Variants in MAP3K3 observed in about 807,000 individuals in gnomAD.
The protein encoded by MAP3K3 is MAP/ERK kinase kinase 3.
In MAP3K3, 12 loss-of-function variants were observed where a neutral mutation model predicts 80.9. That is an observed-to-expected ratio of 0.15 (90% confidence interval 0.10 to 0.24). The LOEUF (loss-of-function observed/expected upper bound fraction) is 0.24. Ranked by LOEUF, MAP3K3 falls within the 10% of genes least tolerant of loss-of-function variation. The probability of loss-of-function intolerance (pLI) is 1.00; values close to 1 mark genes in which losing one functional copy is unlikely to be tolerated. For missense variants in MAP3K3, 596 were observed against 834.7 expected (o/e 0.71, Z 3.52); for synonymous variants, 272 against 307.1 (o/e 0.89, Z 1.19).
intron 8 of MAP3K3, among the ~76,000 whole-genome samples, chr17:63,686,302 T>C (rs988254250): frequency 6.6e-6 from 1 of 152,250 alleles, no homozygotes; most frequent in African/African-American, 2.4e-5. Context: ...AGTGATATTA[T>C]GACTATGGCT....
chr17:63,630,241 A>G (rs1442553602), intron 1 of MAP3K3, among the ~76,000 whole-genome samples: 2 of 152,160 alleles, frequency 1.3e-5, no homozygotes, highest in African/African-American at 4.8e-5. Flanking sequence ...ACCTATACAT[A>G]TTATATATAA....
intron 5 of MAP3K3, among the ~76,000 whole-genome samples, chr17:63,660,053 A>G (rs1028710485): frequency 6.6e-6 from 1 of 152,134 alleles, no homozygotes; most frequent in East Asian, 1.9e-4. Flanking sequence ...ACCAGCCCAG[A>G]TATCATACCT....
intron 7 of MAP3K3, among the ~76,000 whole-genome samples, chr17:63,683,830 TCA>T (rs1219670326): frequency 1.3e-5 from 2 of 152,198 alleles, no homozygotes; most frequent in Admixed American, 1.3e-4. Flanking sequence ...AAAGCATGAT[TCA>T]TGTTAATTTT....
At chr17:63,670,407 A>G (rs2035080661) in intron 6 of MAP3K3, among the ~76,000 whole-genome samples, 1 of 151,606 alleles carries the variant, frequency 6.6e-6, no homozygotes, top group Non-Finnish European at 1.5e-5. Flanking sequence ...ACACAGTAAA[A>G]CCCCGTCACT....
intron 1 of MAP3K3, among the ~76,000 whole-genome samples, chr17:63,631,866 G>A (rs1160597760): frequency 6.6e-6 from 1 of 152,090 alleles, no homozygotes; most frequent in Admixed American, 6.6e-5. Flanking sequence ...TGGTGGTGGC[G>A]GCATTCAAAT....
intron 2 of MAP3K3, 112 bp downstream of exon 2, chr17:63,632,914 C>A: frequency 1.4e-6 from 2 of 1,387,196 alleles, no homozygotes; most frequent in Non-Finnish European, 2.0e-6. Context: ...GCTTTTGACC[C>A]CTTCCTTTCA....
intron 5 of MAP3K3, among the ~76,000 whole-genome samples, chr17:63,666,615 G>A (rs1019769021): frequency 6.6e-6 from 1 of 152,174 alleles, no homozygotes; most frequent in Admixed American, 6.5e-5. Flanking sequence ...AGAATTTTAT[G>A]AGAGGGTATT....
At chr17:63,680,556 C>G (rs1445070479) in intron 6 of MAP3K3, among the ~76,000 whole-genome samples, 3 of 152,108 alleles carry the variant, frequency 2.0e-5, no homozygotes, top group Non-Finnish European at 4.4e-5. Flanking sequence ...CACAGCCAGT[C>G]AGAAAAAGCT....
rs1343111554 is a variant in MAP3K3 at position 63,676,766 on chromosome 17, GC to G, written c.503-4996del. On this transcript the variant is annotated intron_variant, in intron 6 of 15. Coordinates refer to ENST00000361733, the MANE Select transcript of MAP3K3 (RefSeq NM_002401.5). ...GAAGCCACCGGTCCAGAAGTCCAGT[GC>G]CCCTCAGGTCTGGTCCACACCTGTC... 3.3e-5 allele frequency among the ~76,000 whole-genome samples: 5 copies of G among 152,294 alleles called. No homozygotes were observed. In the East Asian group the frequency reaches 9.6e-4, roughly 29 times the overall value.
Position 63,688,872 on chromosome 17 carries a change from T to C in MAP3K3, c.862T>C (p.Tyr288His), listed in dbSNP as rs1023626299. 6.2e-7 allele frequency: 1 copy of C among 1,613,130 alleles called. No individual in the cohort carries two copies. The highest frequency in any genetic ancestry group is 1.7e-5 in the Admixed American group (1 of 60,022). Residue 288 changes from tyrosine to histidine, a missense_variant, in exon 10 of 16, where the codon TAC becomes CAC. Physicochemically the swap from Tyr to His is moderately conservative, Grantham distance 83. Around this residue, in one of 2 missense-constraint regions of MAP3K3, gnomAD observed 364 missense variants for 588.9 expected, o/e 0.62. Transcript: ENST00000361733. ...RYHVSVHHKD[Y>H]SDGRRTFPRI... ...CCACGTGTCTGTGCACCACAAGGAC[T>C]ACAGTGATGGTGAGTTCTTCTTCAC...
chr17:63,638,731 C>CA (rs1345013994), intron 2 of MAP3K3, among the ~76,000 whole-genome samples: 2 of 152,192 alleles, frequency 1.3e-5, no homozygotes, highest in African/African-American at 4.8e-5. Flanking sequence ...TGCCTATGGT[C>CA]ACGCTTCTCA....
At chr17:63,677,547 G>A (rs2035243763) in intron 6 of MAP3K3, among the ~76,000 whole-genome samples, 1 of 152,214 alleles carries the variant, frequency 6.6e-6, no homozygotes, top group African/African-American at 2.4e-5. Flanking sequence ...GGGTCTGTGA[G>A]GTCTGGGTCA....
chr17:63,643,510 TCAATAATAA>T (rs945577015), intron 2 of MAP3K3, among the ~76,000 whole-genome samples: 3 of 151,952 alleles, frequency 2.0e-5, no homozygotes, highest in Admixed American at 1.3e-4. Context: ...AGACCCTGTC[TCAATAATAA>T]CAATAATAAT....
At position 63,680,803 on chromosome 17, in the gene MAP3K3, G is replaced by GTT. The variant is rs145718559; in HGVS notation, c.503-950_503-949dup. 9.7e-4 allele frequency among the ~76,000 whole-genome samples: 137 copies of GTT among 140,538 alleles called. 2 individuals carry two copies. The highest frequency in any genetic ancestry group is 3.3e-3 in the African/African-American group (127 of 38,676). The allele number at this position is 140,538 out of a possible 152,430, so 92.2% of individuals were successfully genotyped here. A position where few individuals can be genotyped will look rare whatever the true frequency, so the allele number is the denominator to read the frequency against. ...AAATAATTGTTTTTGGGTGTTTTGG[G>GTT]TTTTTTTTTTTTTTAAGATTTAAGT... On this transcript the variant is annotated intron_variant, in intron 6 of 15. Transcript: ENST00000361733.
Position 63,666,992 on chromosome 17 carries a change from C to T in MAP3K3, c.434C>T (p.Ser145Phe). ...GVSRQVRIKASQSAGDINTIY... is the reference protein window; with the variant it reads ...GVSRQVRIKAFQSAGDINTIY... ...TCCAGACAGGTGCGGATCAAGGCTT[C>T]CCAGTCCGCAGGGGATATAAATACT... The change falls in exon 6 of 16, where the codon TCC (serine) becomes TTC (phenylalanine). Residue 145 changes from serine (S) to phenylalanine (F), a missense_variant. By Grantham distance (155) the Ser-to-Phe change is radical. Coordinates refer to ENST00000361733, the MANE Select transcript of MAP3K3 (RefSeq NM_002401.5). 8 of 1,613,436 alleles carry T rather than the reference C, an allele frequency of 5.0e-6. No individual in the cohort carries two copies. Among genetic ancestry groups the T allele is most frequent in the Non-Finnish European group, 6.8e-6 (8 of 1,179,864 alleles).
At chr17:63,687,568 T>C (rs2143601892) in intron 8 of MAP3K3, among the ~76,000 whole-genome samples, 1 of 151,382 alleles carries the variant, frequency 6.6e-6, no homozygotes, top group Admixed American at 6.6e-5. Context: ...CACATGCCTG[T>C]AGTCCCAGCT....
chr17:63,648,423 G>A (rs1230857743), intron 3 of MAP3K3, among the ~76,000 whole-genome samples: 1 of 152,170 alleles, frequency 6.6e-6, no homozygotes, highest in Non-Finnish European at 1.5e-5. Flanking sequence ...TTAATAGAAA[G>A]CTATCCTCTC....
chr17:63,649,431 CAAAA>C (rs1264323299), intron 3 of MAP3K3, among the ~76,000 whole-genome samples: 2 of 85,710 alleles, frequency 2.3e-5, no homozygotes, highest in Non-Finnish European at 2.3e-5. Context: ...GACTCCATCT[CAAAA>C]AAAAAAAAAA....
intron 6 of MAP3K3, among the ~76,000 whole-genome samples, chr17:63,671,586 T>C (rs1054833293): frequency 6.6e-6 from 1 of 152,098 alleles, no homozygotes; most frequent in Admixed American, 6.5e-5. Flanking sequence ...TGCTAAGACA[T>C]GACACTCAAT....
Sources: gnomAD v4.1 joint callset for allele counts (sites outside exome capture counted in the v4.1 genomes callset) on GRCh38, gnomAD v4.1.1 for gene constraint, gnomAD v4.1.1 regional missense constraint, MANE v1.5 for transcripts, NCBI Gene and HGNC (gene_info 2026-07-23, HGNC 2026-07-21) for gene names.